The following SH2D1B variants were observed in gnomAD, a reference collection of about 807,000 sequenced individuals.
SH2D1B encodes the protein SH2 domain-containing protein 1B.
In SH2D1B, 11 loss-of-function variants were observed where a neutral mutation model predicts 16.3. That is an observed-to-expected ratio of 0.67 (90% CI 0.42 to 1.11). SH2D1B has a LOEUF of 1.11. Ranked by LOEUF, SH2D1B falls within the 50% of genes most tolerant of loss-of-function variation. The pLI, the probability that SH2D1B is intolerant of heterozygous loss-of-function variation, is 0.00. For missense variants in SH2D1B, 123 were observed against 153.1 expected, an observed-to-expected ratio of 0.80 and a Z score of 1.04; for synonymous variants, 55 against 56.1, an observed-to-expected ratio of 0.98 and a Z score of 0.09.
chr1:162,410,940 G>A (rs752232862), intron 1 of SH2D1B, among the ~76,000 whole-genome samples: 3 of 150,894 alleles, frequency 2.0e-5, no homozygotes, highest in Non-Finnish European at 4.4e-5. Flanking sequence ...ACAGGAGTGA[G>A]CCACTGTGCC....
intron 2 of SH2D1B, among the ~76,000 whole-genome samples, chr1:162,399,772 T>C (rs57962498): frequency 0.37 from 56,121 of 152,108 alleles, 11,249 homozygotes; most frequent in African/African-American, 0.54. Context: ...GGTTTTCTGT[T>C]CCTGCATTAG....
At position 162,402,456 on chromosome 1, in the gene SH2D1B, T is replaced by G. The variant is rs763349164; in HGVS notation, c.198+283A>C. 4.3e-4 allele frequency: 95 copies of G among 222,036 alleles called. 1 individual carries two copies. Among genetic ancestry groups the G allele is most frequent in the Non-Finnish European group, 7.2e-4 (82 of 113,156 alleles). The allele number at this position is 222,036 out of a possible 1,614,324, so 13.8% of individuals were successfully genotyped here. On this transcript the variant is annotated intron_variant, in intron 2 of 3. Coordinates refer to ENST00000367929, the MANE Select transcript of SH2D1B (RefSeq NM_053282.5). The stretch of plus-strand genomic sequence containing the variant: ...TCGCTTGAACCCGGGAGGCGGAGGT[T>G]GCAGTGAGCCGAGATCGCACCACTG...
chr1:162,397,228 A>T lies in SH2D1B; in HGVS notation c.*52T>A. 6.2e-7 allele frequency: 1 copy of T among 1,602,642 alleles called. No homozygotes were observed. Among genetic ancestry groups the T allele is most frequent in the Non-Finnish European group, 8.5e-7 (1 of 1,169,836 alleles). On this transcript the variant is annotated 3_prime_UTR_variant, in exon 4 of 4. Transcript: ENST00000367929. ...CCTATGCCTGCAGAAGTGGGTCATC[A>T]GTGAGAACTGTTACTCATCTCTTCA...
chr1:162,405,457 A>C (rs1054486657), intron 1 of SH2D1B, among the ~76,000 whole-genome samples: 19 of 152,254 alleles, frequency 1.2e-4, no homozygotes, highest in Non-Finnish European at 1.5e-5. Flanking sequence ...TATTCATGGC[A>C]TAAAAAGGTA....
At chr1:162,408,414 C>CTTTTTTTTTTTTTTTTT (rs34627792) in intron 1 of SH2D1B, among the ~76,000 whole-genome samples, 2 of 128,190 alleles carry the variant, frequency 1.6e-5, no homozygotes, top group African/African-American at 3.0e-5. Flanking sequence ...TTTTTCTCTT[C>CTTTTTTTTTTTTTTTTT]TTTTTTTTTT....
chr1:162,407,274 G>A (rs1362952333), intron 1 of SH2D1B, among the ~76,000 whole-genome samples: 1 of 152,124 alleles, frequency 6.6e-6, no homozygotes, highest in Non-Finnish European at 1.5e-5. Context: ...GGGTGTCCAG[G>A]GGAGACCCAT....
Position 162,399,088 on chromosome 1 carries a change from C to G in SH2D1B, c.199-1G>C. 6.3e-7 allele frequency: 1 copy of G among 1,598,900 alleles called. No individual in the cohort carries two copies. The highest frequency in any genetic ancestry group is 1.7e-4 in the Middle Eastern group (1 of 5,964). ...CCTGTTTTGGAGAACCTTCTGCAGT[C>G]TGCAAAAATACAAGAAAGGAAATCA... On this transcript the variant is annotated splice_acceptor_variant, in intron 2 of 3. Coordinates refer to ENST00000367929, the MANE Select transcript of SH2D1B (RefSeq NM_053282.5). LOFTEE classifies it high-confidence loss of function.
intron 2 of SH2D1B, among the ~76,000 whole-genome samples, chr1:162,400,287 T>TC (rs1648481087): frequency 2.5e-5 from 1 of 39,936 alleles, no homozygotes; most frequent in South Asian, 1.1e-3. Context: ...CACCACGTAC[T>TC]TTTTTTTTTT....
intron 3 of SH2D1B, among the ~76,000 whole-genome samples, chr1:162,398,179 C>T (rs1037369064): frequency 6.6e-6 from 1 of 152,216 alleles, no homozygotes; most frequent in African/African-American, 2.4e-5. Flanking sequence ...CTCTGTCCCT[C>T]TCCTAGGGAG....
At chr1:162,411,110 C>T (rs572305198) in intron 1 of SH2D1B, among the ~76,000 whole-genome samples, 7 of 151,968 alleles carry the variant, frequency 4.6e-5, no homozygotes, top group Non-Finnish European at 1.0e-4. Flanking sequence ...CACACGCCAC[C>T]ACACCAGGTT....
At position 162,397,218 on chromosome 1, in the gene SH2D1B, G is replaced by A; in HGVS notation, c.*62C>T. ...GTGCTCTGGACCTATGCCTGCAGAA[G>A]TGGGTCATCAGTGAGAACTGTTACT... On this transcript the variant is annotated 3_prime_UTR_variant, in exon 4 of 4. Transcript: ENST00000367929. The A allele has an allele frequency of 6.3e-7, 1 of 1,577,616 alleles. No individual in the cohort carries two copies. Among genetic ancestry groups the A allele is most frequent in the Non-Finnish European group, 8.7e-7 (1 of 1,147,316 alleles).
intron 1 of SH2D1B, among the ~76,000 whole-genome samples, chr1:162,410,102 C>T (rs1648757368): frequency 6.6e-6 from 1 of 152,068 alleles, no homozygotes; most frequent in Admixed American, 6.6e-5. Flanking sequence ...TGGCAAGGAC[C>T]CCTCACCCTA....
intron 1 of SH2D1B, among the ~76,000 whole-genome samples, chr1:162,403,054 A>G (rs1421577449): frequency 6.6e-6 from 1 of 151,990 alleles, no homozygotes; most frequent in Non-Finnish European, 1.5e-5. Context: ...GATTACAGGC[A>G]CCCACCATCA....
chr1:162,402,370 G>A (rs1648536225), intron 2 of SH2D1B: 1 of 162,466 alleles, frequency 6.2e-6, no homozygotes, highest in Non-Finnish European at 1.3e-5. Context: ...AATTAGCTGG[G>A]GGTGGTGGCG....
intron 2 of SH2D1B, among the ~76,000 whole-genome samples, chr1:162,399,555 T>C (rs1232534696): frequency 6.6e-6 from 1 of 152,190 alleles, no homozygotes; most frequent in Non-Finnish European, 1.5e-5. Context: ...GTTTGTTACA[T>C]AGGTAAACGT....
At chr1:162,408,471 G>C (rs1648705402) in intron 1 of SH2D1B, among the ~76,000 whole-genome samples, 1 of 145,692 alleles carries the variant, frequency 6.9e-6, no homozygotes, top group African/African-American at 2.6e-5. Flanking sequence ...GGAGTGCAGT[G>C]GTGCGATCTT....
intron 1 of SH2D1B, among the ~76,000 whole-genome samples, chr1:162,403,891 T>C (rs568996839): frequency 6.6e-6 from 1 of 151,774 alleles, no homozygotes; most frequent in Non-Finnish European, 1.5e-5. Context: ...CTAAAAAAAG[T>C]TGATATCATA....
chr1:162,400,227 A>T (rs2655730), intron 2 of SH2D1B, among the ~76,000 whole-genome samples: 51,953 of 151,428 alleles, frequency 0.34, 9,653 homozygotes, highest in East Asian at 0.55. Context: ...TGGGAATGGC[A>T]ACACAACTCA....
At position 162,411,587 on chromosome 1, in the gene SH2D1B, C is replaced by CT. The variant is rs566991160; in HGVS notation, c.134+295dup. On this transcript the variant is annotated intron_variant, in intron 1 of 3. Transcript: ENST00000367929. ...AGGACAGGACCTCTGACATTTGTAC[C>CT]TTCTTTCCATCCCTCTGTACCCCTG... 3.9e-5 allele frequency among the ~76,000 whole-genome samples: 6 copies of CT among 152,262 alleles called. No homozygotes were observed. The South Asian group carries it at 1.2e-3, about 32-fold the overall frequency.
Sources: allele counts gnomAD v4.1 joint callset (sites outside exome capture counted in the v4.1 genomes callset), GRCh38; gene constraint gnomAD v4.1.1; transcripts MANE v1.5; gene names NCBI Gene and HGNC (gene_info 2026-07-23, HGNC 2026-07-21).